KCNH1: variants seen among roughly 807,000 people sequenced by gnomAD.
KCNH1 encodes the protein potassium voltage-gated channel subfamily H member 1.
A neutral mutation model predicts 69.2 loss-of-function variants in KCNH1; 27 were observed. The ratio of observed to expected loss-of-function variants is 0.39; its 90% confidence interval spans 0.29 to 0.54. The LOEUF is 0.54. KCNH1 is among the 20% of genes least tolerant of loss of function. The pLI, the probability that KCNH1 is intolerant of heterozygous loss-of-function variation, is 0.68. For synonymous variants in KCNH1, 456 were observed against 487.7 expected (o/e 0.93, Z 0.86); for missense variants, 798 against 1,261.6 (o/e 0.63, Z 5.57).
chr1:210,844,775 C>T (rs887848454), intron 7 of KCNH1, among the ~76,000 whole-genome samples: 3 of 152,054 alleles, frequency 2.0e-5, no homozygotes, highest in African/African-American at 7.2e-5. Context: ...TTCAAAAAAT[C>T]AACGAATCCA....
chr1:210,935,752 G>T (rs188958354), intron 6 of KCNH1, among the ~76,000 whole-genome samples: 1 of 152,190 alleles, frequency 6.6e-6, no homozygotes, highest in East Asian at 1.9e-4. Context: ...CAATATGGAT[G>T]AAGAGACAGT....
At chr1:210,825,738 A>G (rs1241727646) in intron 7 of KCNH1, among the ~76,000 whole-genome samples, 1 of 152,232 alleles carries the variant, frequency 6.6e-6, no homozygotes, top group Non-Finnish European at 1.5e-5. Context: ...TAGTAAATAC[A>G]ATATTTTATT....
At chr1:210,979,788 A>G (rs748042872) in intron 6 of KCNH1, among the ~76,000 whole-genome samples, 1 of 152,200 alleles carries the variant, frequency 6.6e-6, no homozygotes, top group Non-Finnish European at 1.5e-5. Context: ...CATCTTCAGC[A>G]CACCCTATGT....
chr1:210,943,446 T>C (rs1687906991), intron 6 of KCNH1, among the ~76,000 whole-genome samples: 1 of 152,176 alleles, frequency 6.6e-6, no homozygotes, highest in Admixed American at 6.5e-5. Context: ...CCTCCCGGGT[T>C]CAGGCCAATC....
At position 211,047,558 on chromosome 1, in the gene KCNH1, CA is replaced by C. The variant is rs1690115162; in HGVS notation, c.559-28303del. On this transcript the variant is annotated intron_variant, in intron 5 of 10. Coordinates refer to ENST00000271751, the MANE Select transcript of KCNH1 (RefSeq NM_172362.3). The stretch of plus-strand genomic sequence containing the variant: ...CTCCAATCTTGGCTTCAGAGCTGAT[CA>C]ACCTTGAGCAAGTCAAGATCTCCAT... Among the ~76,000 whole-genome samples the C allele has an allele frequency of 2.0e-5, 3 of 152,136 alleles. No homozygotes were observed. In the South Asian group the frequency reaches 6.2e-4, roughly 32 times the overall value.
chr1:210,864,916 A>G (rs1337115809), intron 7 of KCNH1, among the ~76,000 whole-genome samples: 1 of 152,198 alleles, frequency 6.6e-6, no homozygotes, highest in Non-Finnish European at 1.5e-5. Context: ...TGTAAGCTGG[A>G]ACACCTATAC....
At chr1:210,808,433 G>C (rs1041560399) in intron 7 of KCNH1, among the ~76,000 whole-genome samples, 2 of 152,174 alleles carry the variant, frequency 1.3e-5, no homozygotes, top group Non-Finnish European at 1.5e-5. Context: ...GGGTGCTTCT[G>C]AGGCATTCTG....
intron 6 of KCNH1, among the ~76,000 whole-genome samples, chr1:210,968,131 T>C (rs1242354460): frequency 6.6e-6 from 1 of 150,490 alleles, no homozygotes; most frequent in Non-Finnish European, 1.5e-5. Flanking sequence ...GGTTTTTTGT[T>C]CTTGCGATAG....
At chr1:211,112,643 T>G (rs1027616244) in intron 1 of KCNH1, among the ~76,000 whole-genome samples, 1 of 152,060 alleles carries the variant, frequency 6.6e-6, no homozygotes, top group African/African-American at 2.4e-5. Context: ...AATTTAAAGT[T>G]CCAAAATAGT....
At chr1:210,885,307 A>G (rs1686578367) in intron 7 of KCNH1, among the ~76,000 whole-genome samples, 1 of 152,154 alleles carries the variant, frequency 6.6e-6, no homozygotes, top group Non-Finnish European at 1.5e-5. Context: ...AGCACAAGGG[A>G]TAGGGAACTC....
chr1:210,846,814 T>A (rs1685560011), intron 7 of KCNH1, among the ~76,000 whole-genome samples: 1 of 151,672 alleles, frequency 6.6e-6, no homozygotes, highest in Admixed American at 6.6e-5. Context: ...TGGAAGAAAA[T>A]TTTTGCAACC....
chr1:210,977,335 C>T (rs953900307), intron 6 of KCNH1, among the ~76,000 whole-genome samples: 1 of 152,004 alleles, frequency 6.6e-6, no homozygotes, highest in Non-Finnish European at 1.5e-5. Context: ...AGGAGATATA[C>T]CTAATGTAAA....
chr1:211,062,509 T>G (rs1690449153), intron 5 of KCNH1, among the ~76,000 whole-genome samples: 1 of 151,752 alleles, frequency 6.6e-6, no homozygotes, highest in Non-Finnish European at 1.5e-5. Flanking sequence ...AAGGAAACAA[T>G]CAACAAAGAA....
intron 5 of KCNH1, among the ~76,000 whole-genome samples, chr1:211,078,618 A>C (rs1437658304): frequency 6.6e-6 from 1 of 152,228 alleles, no homozygotes; most frequent in African/African-American, 2.4e-5. Flanking sequence ...CATTTAAAGC[A>C]GTATGTAGAG....
At chr1:211,070,432 C>A (rs200720921) in intron 5 of KCNH1, among the ~76,000 whole-genome samples, 1,308 of 84,726 alleles carry the variant, frequency 0.015, 19 homozygotes, top group African/African-American at 0.038. Flanking sequence ...AAAAAAAAAA[C>A]ACACACACAC....
rs114839742 is a variant in KCNH1 at position 210,759,896 on chromosome 1, G to A, written c.2112+15452C>T. On this transcript the variant is annotated intron_variant, in intron 10 of 10. Transcript: ENST00000271751. ...GGAGCCATGACTGGTACCAGTCCAA[G>A]GCCTGTTAAAAACGGGTCCATACAG... 6.6e-3 allele frequency among the ~76,000 whole-genome samples: 1,004 copies of A among 152,264 alleles called. 6 individuals carry two copies. Among genetic ancestry groups the A allele is most frequent in the Admixed American group, 0.01 (159 of 15,298 alleles).
At chr1:211,018,760 G>T in intron 6 of KCNH1, 23 bp downstream of exon 6, 1 of 1,545,008 alleles carries the variant, frequency 6.5e-7, no homozygotes, top group Non-Finnish European at 8.8e-7. Flanking sequence ...ATGACAACAA[G>T]GTCTGAGATT....
At chr1:210,998,310 G>A (rs1308309614) in intron 6 of KCNH1, among the ~76,000 whole-genome samples, 1 of 152,172 alleles carries the variant, frequency 6.6e-6, no homozygotes, top group Non-Finnish European at 1.5e-5. Context: ...TAAAGGGATG[G>A]AGGAAGATCT....
intron 10 of KCNH1, among the ~76,000 whole-genome samples, chr1:210,774,662 A>G (rs1284997766): frequency 2.0e-5 from 3 of 152,178 alleles, no homozygotes; most frequent in Non-Finnish European, 2.9e-5. Context: ...GAAGTGCAAG[A>G]AAATCCGTCA....
Sources: gnomAD v4.1 joint callset for allele counts (sites outside exome capture counted in the v4.1 genomes callset) on GRCh38, gnomAD v4.1.1 for gene constraint, MANE v1.5 for transcripts, NCBI Gene and HGNC (gene_info 2026-07-23, HGNC 2026-07-21) for gene names.